B3GALT1: variants seen among roughly 807,000 people sequenced by gnomAD.
B3GALT1 encodes the protein beta-1,3-galactosyltransferase 1, also known as UDP-Gal:betaGlcNAc beta 1,3-galactosyltransferase, polypeptide 1.
B3GALT1 carries 10 observed loss-of-function variants against 23.2 expected under a neutral mutation model. That is an observed-to-expected ratio of 0.43 (90% CI 0.27 to 0.73). The LOEUF (loss-of-function observed/expected upper bound fraction) is 0.73, where lower values mean the gene tolerates loss of function less well. B3GALT1 is among the 30% of genes least tolerant of loss of function. B3GALT1 has a pLI of 0.21. For missense variants in B3GALT1, 299 were observed against 405.4 expected, an observed-to-expected ratio of 0.74 and a Z score of 2.25; for synonymous variants, 156 against 141.5, an observed-to-expected ratio of 1.10 and a Z score of -0.73.
At chr2:167,614,931 A>G (rs1685133047) in intron 2 of B3GALT1, among the ~76,000 whole-genome samples, 1 of 152,018 alleles carries the variant, frequency 6.6e-6, no homozygotes, top group Non-Finnish European at 1.5e-5. Flanking sequence ...GTTACTCTTA[A>G]AAGAAGTTTC....
chr2:167,629,131 A>G (rs1210948502), intron 2 of B3GALT1, among the ~76,000 whole-genome samples: 2 of 151,614 alleles, frequency 1.3e-5, no homozygotes, highest in African/African-American at 4.8e-5. Flanking sequence ...AGACAGGCAA[A>G]ATGGCTTTTC....
At position 167,828,326 on chromosome 2, in the gene B3GALT1, C is replaced by G. The variant is rs189024958; in HGVS notation, c.-230+9533C>G. Among the ~76,000 whole-genome samples the G allele has an allele frequency of 1.5e-4, 23 of 152,298 alleles. No individual in the cohort carries two copies. The East Asian group carries it at 3.9e-3, about 26-fold the overall frequency. On this transcript the variant is annotated intron_variant, in intron 4 of 4. Transcript: ENST00000392690. Reference sequence around the variant, plus strand: ...TCTTTCCTAATAGCACAAAATTGCTCTCAAGCTCGAGTGAAATAAGTCTAA... The same window carrying G: ...TCTTTCCTAATAGCACAAAATTGCTGTCAAGCTCGAGTGAAATAAGTCTAA...
At chr2:167,462,205 ATAAT>A (rs1559104624) in intron 1 of B3GALT1, among the ~76,000 whole-genome samples, 1 of 152,208 alleles carries the variant, frequency 6.6e-6, no homozygotes, top group African/African-American at 2.4e-5. Flanking sequence ...TTATTTTAAT[ATAAT>A]TAATTTAGAA....
chr2:167,613,731 A>G (rs1369914634), intron 2 of B3GALT1, among the ~76,000 whole-genome samples: 1 of 151,802 alleles, frequency 6.6e-6, no homozygotes, highest in African/African-American at 2.4e-5. Flanking sequence ...AGATACCACA[A>G]AACTTCTCTA....
intron 2 of B3GALT1, among the ~76,000 whole-genome samples, chr2:167,637,866 A>G (rs867187866): frequency 1.3e-5 from 2 of 150,040 alleles, no homozygotes; most frequent in Non-Finnish European, 3.0e-5. Flanking sequence ...TACATCCACT[A>G]TTGACTCATT....
At chr2:167,831,618 A>G (rs1689355726) in intron 4 of B3GALT1, among the ~76,000 whole-genome samples, 1 of 152,202 alleles carries the variant, frequency 6.6e-6, no homozygotes, top group Admixed American at 6.5e-5. Context: ...ATATGAATAG[A>G]GGGAAAAAGA....
intron 3 of B3GALT1, among the ~76,000 whole-genome samples, chr2:167,725,121 G>T (rs1012805216): frequency 6.6e-6 from 1 of 152,104 alleles, no homozygotes; most frequent in African/African-American, 2.4e-5. Flanking sequence ...CCCACAGCTC[G>T]CTCCTGTATT....
At chr2:167,361,199 A>G (rs1193140605) in intron 1 of B3GALT1, among the ~76,000 whole-genome samples, 3 of 139,454 alleles carry the variant, frequency 2.2e-5, no homozygotes, top group African/African-American at 7.9e-5. Context: ...TGATACACTG[A>G]TTTCCCCCAC....
intron 1 of B3GALT1, among the ~76,000 whole-genome samples, chr2:167,343,266 A>G (rs372241200): frequency 1.3e-5 from 2 of 152,200 alleles, no homozygotes; most frequent in South Asian, 2.1e-4. Context: ...CAAACATGCA[A>G]AGAGTTATTT....
intron 1 of B3GALT1, among the ~76,000 whole-genome samples, chr2:167,387,784 AGTTAGT>A (rs990698379): frequency 1.1e-4 from 16 of 152,326 alleles, no homozygotes; most frequent in Middle Eastern, 3.4e-3. Flanking sequence ...AAAAAAAAAT[AGTTAGT>A]GTTAATCTCT....
intron 2 of B3GALT1, among the ~76,000 whole-genome samples, chr2:167,510,643 C>T (rs1699991208): frequency 1.3e-5 from 2 of 152,052 alleles, no homozygotes; most frequent in Admixed American, 1.3e-4. Context: ...CCCAGAGTAT[C>T]AAAGATGATT....
chr2:167,836,033 C>G (rs1446467307), intron 4 of B3GALT1, among the ~76,000 whole-genome samples: 2 of 152,276 alleles, frequency 1.3e-5, no homozygotes, highest in Admixed American at 6.5e-5. Flanking sequence ...CCCATCTGTA[C>G]ATCACCATCA....
intron 4 of B3GALT1, among the ~76,000 whole-genome samples, chr2:167,842,651 A>C (rs1052952907): frequency 1.3e-5 from 2 of 152,122 alleles, no homozygotes; most frequent in African/African-American, 4.8e-5. Flanking sequence ...AGGCAGGAGG[A>C]TCACTTGAGC....
At chr2:167,517,459 T>C (rs1356456205) in intron 2 of B3GALT1, among the ~76,000 whole-genome samples, 2 of 152,094 alleles carry the variant, frequency 1.3e-5, no homozygotes, top group African/African-American at 4.8e-5. Context: ...ATTTCTACTG[T>C]TAACCAATTT....
chr2:167,573,468 A>G (rs974386288), intron 2 of B3GALT1, among the ~76,000 whole-genome samples: 1 of 151,698 alleles, frequency 6.6e-6, no homozygotes, highest in Non-Finnish European at 1.5e-5. Context: ...CTCAACGGAA[A>G]CCTCATTCAT....
chr2:167,507,230 G>A (rs559559161), intron 2 of B3GALT1, among the ~76,000 whole-genome samples: 9 of 152,000 alleles, frequency 5.9e-5, no homozygotes, highest in African/African-American at 1.4e-4. Context: ...TAAGAGGGCG[G>A]GTGCAGTGGC....
intron 2 of B3GALT1, among the ~76,000 whole-genome samples, chr2:167,563,331 GA>G (rs1198540686): frequency 6.9e-6 from 1 of 145,292 alleles, no homozygotes; most frequent in African/African-American, 2.6e-5. Flanking sequence ...TCACTTCCCG[GA>G]AGGGGCGGCT....
chr2:167,839,954 G>A (rs1196562112), intron 4 of B3GALT1, among the ~76,000 whole-genome samples: 10 of 151,988 alleles, frequency 6.6e-5, no homozygotes, highest in Non-Finnish European at 1.5e-4. Flanking sequence ...AATAAATGGT[G>A]CTGGGAAAAC....
At chr2:167,664,065 G>T (rs1341669534) in intron 3 of B3GALT1, among the ~76,000 whole-genome samples, 3 of 150,900 alleles carry the variant, frequency 2.0e-5, no homozygotes, top group African/African-American at 4.9e-5. Context: ...GTAATGCCTA[G>T]GTTTTCTTGT....
Sources: gnomAD v4.1 joint callset for allele counts (sites outside exome capture counted in the v4.1 genomes callset) on GRCh38, gnomAD v4.1.1 for gene constraint, MANE v1.5 for transcripts, NCBI Gene and HGNC (gene_info 2026-07-23, HGNC 2026-07-21) for gene names.